TCF4: variants seen among roughly 807,000 people sequenced by gnomAD.
TCF4 encodes the protein transcription factor 4, also known as SL3-3 enhancer factor 2.
TCF4 carries 3 observed loss-of-function variants against 82.1 expected under a neutral mutation model. The observed-to-expected ratio is 0.04, with a 90% CI of 0.02 to 0.09. The LOEUF (loss-of-function observed/expected upper bound fraction) is 0.09, where lower values mean the gene tolerates loss of function less well. Ranked by LOEUF, TCF4 falls within the 10% of genes least tolerant of loss-of-function variation. The pLI is 1.00. For synonymous variants in TCF4, 276 were observed against 309.6 expected, an observed-to-expected ratio of 0.89 and a Z score of 1.14; for missense variants, 518 against 852.7, an observed-to-expected ratio of 0.61 and a Z score of 4.89.
At chr18:55,524,465 A>C (rs1321122972) in intron 3 of TCF4, among the ~76,000 whole-genome samples, 1 of 152,174 alleles carries the variant, frequency 6.6e-6, no homozygotes, top group Non-Finnish European at 1.5e-5. Flanking sequence ...GTATCTTGCT[A>C]ATCATTTTCA....
At chr18:55,261,821 G>A (rs148777482) in intron 11 of TCF4, among the ~76,000 whole-genome samples, 1 of 152,248 alleles carries the variant, frequency 6.6e-6, no homozygotes, top group Non-Finnish European at 1.5e-5. Flanking sequence ...GCTATGTGAC[G>A]GTCATTGCTG....
intron 3 of TCF4, among the ~76,000 whole-genome samples, chr18:55,468,532 G>T (rs1367458890): frequency 3.3e-5 from 5 of 152,130 alleles, no homozygotes; most frequent in African/African-American, 1.2e-4. Context: ...AGTTCAGCAA[G>T]TACACAGAAT....
intron 2 of TCF4, among the ~76,000 whole-genome samples, chr18:55,628,254 G>A (rs1048659312): frequency 1.3e-5 from 2 of 152,046 alleles, no homozygotes; most frequent in African/African-American, 4.8e-5. Flanking sequence ...ACATTAAGAA[G>A]GAAGGCTGAA....
intron 15 of TCF4, among the ~76,000 whole-genome samples, chr18:55,235,767 C>T (rs1009802508): frequency 2.0e-4 from 31 of 152,078 alleles, no homozygotes; most frequent in African/African-American, 7.2e-4. Context: ...GGGTCTAAAA[C>T]ACAAAAAATT....
At chr18:55,302,684 G>A in intron 8 of TCF4, 1 of 1,383,342 alleles carries the variant, frequency 7.2e-7, no homozygotes, top group Non-Finnish European at 9.6e-7. Flanking sequence ...GAGGGCCTAG[G>A]ATGAGACCGG....
At chr18:55,621,989 T>C (rs1214088161) in intron 2 of TCF4, among the ~76,000 whole-genome samples, 4 of 128,940 alleles carry the variant, frequency 3.1e-5, no homozygotes, top group Non-Finnish European at 4.6e-5. Context: ...ATATATACAC[T>C]ATATATTATA....
intron 3 of TCF4, among the ~76,000 whole-genome samples, chr18:55,562,554 CCTCT>C (rs898077184): frequency 6.6e-6 from 1 of 152,136 alleles, no homozygotes; most frequent in African/African-American, 2.4e-5. Context: ...TGGGCAGCCC[CCTCT>C]CTATCTCCCC....
At chr18:55,434,613 G>C (rs887286818) in intron 5 of TCF4, among the ~76,000 whole-genome samples, 5 of 150,270 alleles carry the variant, frequency 3.3e-5, no homozygotes, top group Non-Finnish European at 7.4e-5. Context: ...ATTTTTAGTA[G>C]AGACGGGGTT....
At chr18:55,381,677 GT>G in intron 6 of TCF4, among the ~76,000 whole-genome samples, 1 of 152,284 alleles carries the variant, frequency 6.6e-6, no homozygotes, top group South Asian at 2.1e-4. Context: ...AGAAATTCAA[GT>G]TTCTCCCTCA....
At chr18:55,545,302 CA>C (rs1158514805) in intron 3 of TCF4, among the ~76,000 whole-genome samples, 2 of 152,166 alleles carry the variant, frequency 1.3e-5, no homozygotes, top group Admixed American at 1.3e-4. Flanking sequence ...TCTATGTAAA[CA>C]TTTTTTTGAT....
chr18:55,524,281 A>G (rs1266432293), intron 3 of TCF4, among the ~76,000 whole-genome samples: 1 of 152,076 alleles, frequency 6.6e-6, no homozygotes, highest in Admixed American at 6.6e-5. Flanking sequence ...TTCATTAATA[A>G]CCACCTTATT....
chr18:55,329,063 T>G (rs187201512), intron 8 of TCF4, among the ~76,000 whole-genome samples: 73 of 151,726 alleles, frequency 4.8e-4, no homozygotes, highest in Middle Eastern at 3.4e-3. Flanking sequence ...ATGAAAAGAG[T>G]AGGTATAAAG....
At chr18:55,425,681 A>C (rs984872411) in intron 5 of TCF4, among the ~76,000 whole-genome samples, 2 of 152,218 alleles carry the variant, frequency 1.3e-5, no homozygotes, top group Non-Finnish European at 1.5e-5. Context: ...CAAAAAGCAG[A>C]TGTGTACGTT....
At chr18:55,399,880 TCACACACACACA>T (rs398041380) in intron 6 of TCF4, among the ~76,000 whole-genome samples, 5 of 63,438 alleles carry the variant, frequency 7.9e-5, no homozygotes, top group Non-Finnish European at 1.2e-4. Context: ...TCTCTCTCTC[TCACACACACACA>T]CACACACACA....
In TCF4 at chr18:55,294,154, G is replaced by C. The variant is rs549047361; in HGVS notation, c.550-14498C>G. On this transcript the variant is annotated intron_variant, in intron 8 of 19. Transcript: ENST00000354452. ...GGGTGCCTGTAATCCCAGCTACTTG[G>C]GGGGCTGAGGCATGAGAATTGCTTG... 2.6e-5 allele frequency among the ~76,000 whole-genome samples: 4 copies of C among 151,262 alleles called. No individual in the cohort carries two copies. In the South Asian group the frequency reaches 6.3e-4, roughly 24 times the overall value.
chr18:55,403,317 C>G, intron 6 of TCF4, 137 bp downstream of exon 6: 2 of 961,648 alleles, frequency 2.1e-6, no homozygotes, highest in Non-Finnish European at 3.4e-6. Flanking sequence ...TATTTCATTA[C>G]TTAAAGAGAG....
intron 6 of TCF4, among the ~76,000 whole-genome samples, chr18:55,369,980 C>T (rs1282873900): frequency 2.0e-5 from 3 of 152,172 alleles, no homozygotes; most frequent in Non-Finnish European, 4.4e-5. Flanking sequence ...GCTGCCACTG[C>T]CTCCAACACT....
chr18:55,484,639 C>A (rs2096489927), intron 3 of TCF4, among the ~76,000 whole-genome samples: 1 of 152,158 alleles, frequency 6.6e-6, no homozygotes, highest in African/African-American at 2.4e-5. Flanking sequence ...CTTGTGTGGA[C>A]AGAACATCTA....
chr18:55,538,858 C>T (rs1439761120), intron 3 of TCF4, among the ~76,000 whole-genome samples: 1 of 152,122 alleles, frequency 6.6e-6, no homozygotes, highest in African/African-American at 2.4e-5. Context: ...TTCGGTATTT[C>T]TGACAGACAT....
Sources: gnomAD v4.1 joint callset for allele counts (sites outside exome capture counted in the v4.1 genomes callset) on GRCh38, gnomAD v4.1.1 for gene constraint, MANE v1.5 for transcripts, NCBI Gene and HGNC (gene_info 2026-07-23, HGNC 2026-07-21) for gene names.